Variants in PCMTD1 observed in about 807,000 individuals in gnomAD.
The protein encoded by PCMTD1 is protein-L-isoaspartate O-methyltransferase domain-containing protein 1.
A neutral mutation model predicts 37.6 loss-of-function variants in PCMTD1; 12 were observed. The observed-to-expected ratio is 0.32, with a 90% CI of 0.20 to 0.52. The LOEUF (loss-of-function observed/expected upper bound fraction) is 0.52. Among genes scored for constraint, PCMTD1 ranks in the 20% least tolerant of loss-of-function variants. The pLI is 0.97. For synonymous variants in PCMTD1, 117 were observed against 135.8 expected, an observed-to-expected ratio of 0.86 and a Z score of 0.96; for missense variants, 235 against 421.3, an observed-to-expected ratio of 0.56 and a Z score of 3.87.
chr8:51,859,896 G>A (rs1484930323), intron 2 of PCMTD1, among the ~76,000 whole-genome samples: 1 of 101,388 alleles, frequency 9.9e-6, no homozygotes, highest in Non-Finnish European at 2.6e-5. Context: ...ACTAGATGAA[G>A]GCTGTTGATT....
rs547550893 is a variant in PCMTD1 at position 51,842,829 on chromosome 8, T to C, written c.410+2832A>G. The stretch of plus-strand genomic sequence containing the variant: ...TTAAAAAAGATCCAAACCGGCAGCA[T>C]AAAAAAAACTGGAAGAATATTAGGT... On this transcript the variant is annotated intron_variant, in intron 3 of 5. Transcript: ENST00000522514. Among the ~76,000 whole-genome samples, 156 of 151,940 alleles carry C rather than the reference T, an allele frequency of 1.0e-3. 1 individual carries two copies. Among genetic ancestry groups the C allele is most frequent in the Admixed American group, 3.1e-3 (48 of 15,254 alleles).
At chr8:51,890,526 T>C (rs1374528573) in intron 1 of PCMTD1, among the ~76,000 whole-genome samples, 2 of 152,208 alleles carry the variant, frequency 1.3e-5, no homozygotes, top group African/African-American at 2.4e-5. Flanking sequence ...AAAGACTGTT[T>C]TGCATTTGCT....
Position 51,831,504 on chromosome 8 carries a change from A to C in PCMTD1, c.646T>G (p.Phe216Val). Reference protein sequence around the residue: ...WESKNILAVSFAPLVQPSKND... With the variant: ...WESKNILAVSVAPLVQPSKND... Reference sequence around the variant, plus strand: ...TTACTTGGTTGCACAAGTGGAGCAAATGAAACAGCAAGGATATTTTTACTT... The same window carrying C: ...TTACTTGGTTGCACAAGTGGAGCAACTGAAACAGCAAGGATATTTTTACTT... The change falls in exon 5 of 6, where the codon TTT becomes GTT. Residue 216 changes from phenylalanine (F) to valine (V), a missense_variant. Physicochemically the swap from Phe to Val is conservative, Grantham distance 50. This residue lies in a region of PCMTD1 where 183 missense variants were observed against 349.3 expected (regional missense o/e 0.52). Coordinates refer to ENST00000522514, the MANE Select transcript of PCMTD1 (RefSeq NM_052937.4). The C allele has an allele frequency of 6.2e-7, 1 of 1,613,866 alleles. No homozygotes were observed. Among genetic ancestry groups the C allele is most frequent in the Non-Finnish European group, 8.5e-7 (1 of 1,179,866 alleles).
At chr8:51,879,082 T>C (rs2038755740) in intron 1 of PCMTD1, among the ~76,000 whole-genome samples, 1 of 152,078 alleles carries the variant, frequency 6.6e-6, no homozygotes, top group Admixed American at 6.5e-5. Context: ...GCCGTAGTCA[T>C]GCCACTGTAG....
At position 51,820,231 on chromosome 8, in the gene PCMTD1, T is replaced by TA. The variant is rs1371196026; in HGVS notation, c.*119_*120insT. ...TTGTGTTACTGACAGAAACAAGTGA[T>TA]TTTTTTTCCACTATAATTTGCTCTG... On this transcript the variant is annotated 3_prime_UTR_variant, in exon 6 of 6. Coordinates refer to ENST00000522514, the MANE Select transcript of PCMTD1 (RefSeq NM_052937.4). 6.7e-6 allele frequency: 5 copies of TA among 742,220 alleles called. No homozygotes were observed. Among genetic ancestry groups the TA allele is most frequent in the African/African-American group, 6.4e-5 (1 of 15,592 alleles). The allele number at this position is 742,220 out of a possible 1,614,324, so 46.0% of individuals were successfully genotyped here.
chr8:51,866,174 G>C (rs1189379816), intron 1 of PCMTD1, among the ~76,000 whole-genome samples: 1 of 151,616 alleles, frequency 6.6e-6, no homozygotes, highest in African/African-American at 2.4e-5. Flanking sequence ...CAAATAAATG[G>C]AAAGGTATTC....
At chr8:51,828,185 G>C (rs558784615) in intron 5 of PCMTD1, among the ~76,000 whole-genome samples, 1 of 152,072 alleles carries the variant, frequency 6.6e-6, no homozygotes, top group Non-Finnish European at 1.5e-5. Context: ...GCATTCCTAG[G>C]TATGATACTT....
At chr8:51,883,220 G>A (rs200110511) in intron 1 of PCMTD1, among the ~76,000 whole-genome samples, 1 of 152,126 alleles carries the variant, frequency 6.6e-6, no homozygotes, top group African/African-American at 2.4e-5. Flanking sequence ...ATAATAGCTA[G>A]ATGGAATAAA....
intron 1 of PCMTD1, among the ~76,000 whole-genome samples, chr8:51,888,868 T>C (rs1004817727): frequency 2.0e-5 from 3 of 152,180 alleles, no homozygotes; most frequent in African/African-American, 7.2e-5. Flanking sequence ...TGAGGAACAG[T>C]ATGATAATGG....
In PCMTD1 at chr8:51,864,506, T is replaced by C. The variant is rs114957799; in HGVS notation, c.-95-3260A>G. Among the ~76,000 whole-genome samples the C allele has an allele frequency of 2.7e-3, 404 of 152,300 alleles. 2 individuals are homozygous for C. The highest frequency in any genetic ancestry group is 9.1e-3 in the African/African-American group (378 of 41,570). ...AGTCTCTATGAATTTAAGACTGAAA[T>C]GATACCAAATATCTTTTCTACTCGT... On this transcript the variant is annotated intron_variant, in intron 1 of 5. Transcript: ENST00000522514.
At chr8:51,845,401 G>T (rs1394903541) in intron 3 of PCMTD1, 1 of 329,300 alleles carries the variant, frequency 3.0e-6, no homozygotes, top group Non-Finnish European at 5.7e-6. Context: ...CTCCAGAAAA[G>T]ATAGCTGAAT....
At chr8:51,889,422 C>A (rs769549765) in intron 1 of PCMTD1, among the ~76,000 whole-genome samples, 4 of 152,052 alleles carry the variant, frequency 2.6e-5, no homozygotes, top group Non-Finnish European at 5.9e-5. Flanking sequence ...GGATGGGAAA[C>A]GAAGGAAAGG....
chr8:51,832,078 A>G (rs2038005993), intron 4 of PCMTD1, among the ~76,000 whole-genome samples: 3 of 152,214 alleles, frequency 2.0e-5, no homozygotes, highest in Non-Finnish European at 2.9e-5. Context: ...GCAAATGCCC[A>G]TCACTGGTCA....
At chr8:51,826,225 T>G (rs1430313344) in intron 5 of PCMTD1, among the ~76,000 whole-genome samples, 2 of 152,326 alleles carry the variant, frequency 1.3e-5, no homozygotes, top group African/African-American at 4.8e-5. Context: ...GGAACATGGA[T>G]GAAGCTGGAA....
chr8:51,837,930 C>T (rs542365545), intron 3 of PCMTD1, among the ~76,000 whole-genome samples: 9 of 152,042 alleles, frequency 5.9e-5, no homozygotes, highest in Admixed American at 1.3e-4. Context: ...CAGAGGTGGA[C>T]CACCACAATC....
chr8:51,875,027 G>A (rs2038691975), intron 1 of PCMTD1, among the ~76,000 whole-genome samples: 1 of 152,116 alleles, frequency 6.6e-6, no homozygotes, highest in African/African-American at 2.4e-5. Context: ...TCAGAAAAGA[G>A]AAAACCTACT....
intron 1 of PCMTD1, among the ~76,000 whole-genome samples, chr8:51,865,262 T>C (rs1455660107): frequency 4.6e-5 from 7 of 152,034 alleles, no homozygotes. Flanking sequence ...AAAGAACTAA[T>C]ACCAATTCCT....
intron 1 of PCMTD1, among the ~76,000 whole-genome samples, chr8:51,869,606 C>A (rs776199918): frequency 4.6e-5 from 7 of 152,038 alleles, no homozygotes; most frequent in Non-Finnish European, 8.8e-5. Flanking sequence ...CTGCCATTTT[C>A]TTTTCCACAA....
chr8:51,856,596 A>G (rs2038393812), intron 2 of PCMTD1, among the ~76,000 whole-genome samples: 1 of 152,206 alleles, frequency 6.6e-6, no homozygotes, highest in Admixed American at 6.5e-5. Context: ...AAAACTAGTA[A>G]CTCAAATGTC....
Sources: allele counts gnomAD v4.1 joint callset (sites outside exome capture counted in the v4.1 genomes callset), GRCh38; gene constraint gnomAD v4.1.1; regional missense constraint gnomAD v4.1.1; transcripts MANE v1.5; gene names NCBI Gene and HGNC (gene_info 2026-07-23, HGNC 2026-07-21).